Variants in ULK4 observed in about 807,000 individuals in gnomAD.
ULK4 encodes the protein unc-51 like kinase 4.
ULK4 carries 133 observed loss-of-function variants against 160.6 expected under a neutral mutation model. The ratio of observed to expected loss-of-function variants is 0.83; its 90% CI spans 0.72 to 0.96. The LOEUF (loss-of-function observed/expected upper bound fraction) is 0.96. ULK4 is among the 40% of genes least tolerant of loss of function. ULK4 has a pLI of 0.00. For synonymous variants in ULK4, 534 were observed against 539.8 expected (o/e 0.99, Z 0.15); for missense variants, 1,580 against 1,499.5 (o/e 1.05, Z -0.89).
chr3:41,733,541 A>G (rs180928710), intron 22 of ULK4, among the ~76,000 whole-genome samples: 2 of 152,130 alleles, frequency 1.3e-5, no homozygotes, highest in African/African-American at 4.8e-5. Flanking sequence ...TTAAAAATAA[A>G]TGTGTAACTA....
intron 22 of ULK4, among the ~76,000 whole-genome samples, chr3:41,738,382 G>C (rs1005036634): frequency 5.3e-5 from 8 of 151,832 alleles, no homozygotes; most frequent in Non-Finnish European, 1.2e-4. Context: ...TGTGTTTGCT[G>C]TTGCTCATCA....
intron 18 of ULK4, among the ~76,000 whole-genome samples, chr3:41,825,867 G>C (rs564039575): frequency 2.8e-4 from 43 of 152,284 alleles, no homozygotes; most frequent in African/African-American, 9.9e-4. Flanking sequence ...TCAGATTCAT[G>C]AAAGTTGAAA....
intron 32 of ULK4, among the ~76,000 whole-genome samples, chr3:41,466,633 T>G (rs1055731660): frequency 1.3e-5 from 2 of 152,158 alleles, no homozygotes; most frequent in Non-Finnish European, 2.9e-5. Context: ...AAATACCTGG[T>G]CTTTAAAAAA....
At chr3:41,598,837 T>C (rs571926087) in intron 31 of ULK4, among the ~76,000 whole-genome samples, 4 of 152,346 alleles carry the variant, frequency 2.6e-5, no homozygotes, top group Non-Finnish European at 5.9e-5. Context: ...ATCACAGACG[T>C]TGTGGCTTAA....
intron 23 of ULK4, among the ~76,000 whole-genome samples, chr3:41,716,350 A>G (rs1412635864): frequency 6.6e-6 from 1 of 152,134 alleles, no homozygotes; most frequent in East Asian, 1.9e-4. Context: ...TTCTCATTGG[A>G]TGATAAATCT....
intron 32 of ULK4, among the ~76,000 whole-genome samples, chr3:41,486,599 A>C (rs1426647525): frequency 1.3e-5 from 2 of 152,188 alleles, no homozygotes; most frequent in African/African-American, 4.8e-5. Context: ...AACTAGAAGT[A>C]GAGCAATTTG....
intron 34 of ULK4, 46 bp downstream of exon 34, chr3:41,455,451 C>A (rs754548286): frequency 6.6e-7 from 1 of 1,524,744 alleles, no homozygotes; most frequent in Non-Finnish European, 9.0e-7. Flanking sequence ...AATAAAATTA[C>A]TTCAACTTCA....
At chr3:41,827,785 C>T (rs934913554) in intron 18 of ULK4, among the ~76,000 whole-genome samples, 30 of 152,038 alleles carry the variant, frequency 2.0e-4, no homozygotes, top group Non-Finnish European at 2.9e-4. Flanking sequence ...GGGAATCCTC[C>T]CTAACTCATT....
At chr3:41,880,630 A>T (rs561703092) in intron 17 of ULK4, among the ~76,000 whole-genome samples, 2 of 152,312 alleles carry the variant, frequency 1.3e-5, no homozygotes, top group African/African-American at 4.8e-5. Context: ...TGCCATTAAA[A>T]TGCTTATAGG....
At chr3:41,726,679 G>A (rs1206442851) in intron 22 of ULK4, among the ~76,000 whole-genome samples, 1 of 152,166 alleles carries the variant, frequency 6.6e-6, no homozygotes, top group Non-Finnish European at 1.5e-5. Flanking sequence ...GCAGTGGCAT[G>A]ATCTCAGCTC....
chr3:41,273,370 G>A (rs1171320979), intron 35 of ULK4, among the ~76,000 whole-genome samples: 1 of 152,142 alleles, frequency 6.6e-6, no homozygotes, highest in Non-Finnish European at 1.5e-5. Flanking sequence ...GTGGGAATGG[G>A]CACTATTCCT....
chr3:41,656,223 C>T (rs368393101), intron 30 of ULK4, among the ~76,000 whole-genome samples: 2 of 150,356 alleles, frequency 1.3e-5, no homozygotes, highest in African/African-American at 2.5e-5. Context: ...AGGGAAGGGG[C>T]GGGGGGAAAG....
intron 34 of ULK4, among the ~76,000 whole-genome samples, chr3:41,451,037 C>A (rs538033547): frequency 6.6e-6 from 1 of 152,222 alleles, no homozygotes; most frequent in South Asian, 2.1e-4. Flanking sequence ...GGGTAATCAC[C>A]TGCCCTGAAC....
rs187827897 is a variant in ULK4 at position 41,791,819 on chromosome 3, A to G, written c.2011-1976T>C. Reference sequence around the variant, plus strand: ...AATGAGCATTTGTAGAGCACCAACTATATACCTCTCCCTAAAAACAAGTCC... The same window carrying G: ...AATGAGCATTTGTAGAGCACCAACTGTATACCTCTCCCTAAAAACAAGTCC... On this transcript the variant is annotated intron_variant, in intron 20 of 36. Coordinates refer to ENST00000301831, the MANE Select transcript of ULK4 (RefSeq NM_017886.4). 1.6e-4 allele frequency among the ~76,000 whole-genome samples: 25 copies of G among 152,314 alleles called. 1 individual carries two copies. The highest frequency in any genetic ancestry group is 1.6e-3 in the Admixed American group (24 of 15,306).
At chr3:41,673,764 G>C (rs1190862172) in intron 29 of ULK4, among the ~76,000 whole-genome samples, 1 of 151,938 alleles carries the variant, frequency 6.6e-6, no homozygotes, top group African/African-American at 2.4e-5. Flanking sequence ...ATTGCACAGC[G>C]TATTTTTCCC....
At chr3:41,617,958 C>A (rs1294243244) in intron 30 of ULK4, among the ~76,000 whole-genome samples, 1 of 151,914 alleles carries the variant, frequency 6.6e-6, no homozygotes, top group Non-Finnish European at 1.5e-5. Context: ...AAACATAGCA[C>A]GAGAACTTTG....
At chr3:41,817,405 T>G (rs759926646) in intron 19 of ULK4, among the ~76,000 whole-genome samples, 2 of 152,108 alleles carry the variant, frequency 1.3e-5, no homozygotes, top group African/African-American at 2.4e-5. Context: ...ACAAAGAAAA[T>G]GTAGTACATA....
chr3:41,883,792 G>A (rs1697611089), intron 17 of ULK4, 82 bp downstream of exon 17: 3 of 1,209,304 alleles, frequency 2.5e-6, no homozygotes, highest in African/African-American at 3.0e-5. Flanking sequence ...GTGAAGGTCG[G>A]TGAAAGCTGC....
At chr3:41,529,781 C>T (rs1298440250) in intron 32 of ULK4, among the ~76,000 whole-genome samples, 3 of 152,232 alleles carry the variant, frequency 2.0e-5, no homozygotes, top group Non-Finnish European at 4.4e-5. Context: ...GCATGAGCCA[C>T]CACGCCCAGC....
Sources: allele counts gnomAD v4.1 joint callset (sites outside exome capture counted in the v4.1 genomes callset), GRCh38; gene constraint gnomAD v4.1.1; transcripts MANE v1.5; gene names NCBI Gene and HGNC (gene_info 2026-07-23, HGNC 2026-07-21).